Variants in EXOC6 observed in about 807,000 individuals in gnomAD.
EXOC6 encodes SEC15-like 1.
In EXOC6, 60 loss-of-function variants were observed where a neutral mutation model predicts 112.5. The ratio of observed to expected loss-of-function variants is 0.53; its 90% CI spans 0.43 to 0.66. EXOC6 has a LOEUF of 0.66. EXOC6 is among the 30% of genes least tolerant of loss of function. EXOC6 has a pLI of 0.00. For synonymous variants in EXOC6, 295 were observed against 308.0 expected, an observed-to-expected ratio of 0.96 and a Z score of 0.44; for missense variants, 855 against 957.1, an observed-to-expected ratio of 0.89 and a Z score of 1.41.
rs563564918 is a variant in EXOC6, at chr10:93,011,975, A to G, written c.2096-2219A>G. ...TTTGGTCACTAAATTTTGGTTTTCT[A>G]GAAAAAAGGGGTCTGAGAATGGTGA... On this transcript the variant is annotated intron_variant, in intron 19 of 21. Coordinates refer to ENST00000260762, the MANE Select transcript of EXOC6 (RefSeq NM_019053.6). 1.4e-3 allele frequency among the ~76,000 whole-genome samples: 216 copies of G among 152,304 alleles called. 1 individual carries two copies. Among genetic ancestry groups the G allele is most frequent in the Non-Finnish European group, 1.7e-3 (115 of 68,022 alleles).
upstream of EXOC6, among the ~76,000 whole-genome samples, chr10:92,844,990 A>T (rs2497348): frequency 0.24 from 36,221 of 152,214 alleles, 5,280 homozygotes; most frequent in Non-Finnish European, 0.32. Context: ...TGTAGATAAA[A>T]GGCGCAAAGT....
At chr10:93,050,834 T>G (rs1358123056) in intron 20 of EXOC6, among the ~76,000 whole-genome samples, 1 of 146,702 alleles carries the variant, frequency 6.8e-6, no homozygotes, top group Non-Finnish European at 1.5e-5. Flanking sequence ...ATTGCACCAC[T>G]GCACTCCAGT....
chr10:92,952,967 A>G (rs1761222793), intron 15 of EXOC6, among the ~76,000 whole-genome samples: 1 of 152,196 alleles, frequency 6.6e-6, no homozygotes, highest in Admixed American at 6.5e-5. Context: ...TAATGAACAT[A>G]TGGGTACATG....
intron 18 of EXOC6, among the ~76,000 whole-genome samples, chr10:92,975,153 G>T (rs946053904): frequency 3.3e-5 from 5 of 151,834 alleles, no homozygotes; most frequent in Non-Finnish European, 7.4e-5. Flanking sequence ...TCCCATGTAC[G>T]AAGTGAGGAG....
At chr10:92,997,053 T>G (rs1025658996) in intron 18 of EXOC6, among the ~76,000 whole-genome samples, 2 of 152,238 alleles carry the variant, frequency 1.3e-5, no homozygotes, top group Non-Finnish European at 1.5e-5. Flanking sequence ...ACTTCCTTTA[T>G]TCTGACTTGG....
At chr10:92,879,229 C>T (rs1352619571) in intron 1 of EXOC6, among the ~76,000 whole-genome samples, 1 of 152,198 alleles carries the variant, frequency 6.6e-6, no homozygotes. Context: ...CACCTGTAAT[C>T]CCAGCACTTT....
chr10:92,856,340 A>G (rs572692918), intron 1 of EXOC6, among the ~76,000 whole-genome samples: 2 of 152,224 alleles, frequency 1.3e-5, no homozygotes, highest in East Asian at 1.9e-4. Flanking sequence ...TTTTACAGCT[A>G]TAAATTTTTC....
At chr10:93,042,106 C>T (rs531103577) in intron 20 of EXOC6, among the ~76,000 whole-genome samples, 2 of 152,342 alleles carry the variant, frequency 1.3e-5, no homozygotes, top group South Asian at 2.1e-4. Flanking sequence ...CTTCTCCAGC[C>T]TGTCTTATAC....
At chr10:92,845,057 C>T (rs552269577), upstream of EXOC6, among the ~76,000 whole-genome samples, 133 of 152,312 alleles carry the variant, frequency 8.7e-4, no homozygotes, top group South Asian at 2.1e-3. Context: ...TTGCCAATTA[C>T]TTTTATACTG....
intron 11 of EXOC6, among the ~76,000 whole-genome samples, chr10:92,934,813 A>G (rs975914479): frequency 1.3e-5 from 2 of 152,088 alleles, no homozygotes; most frequent in South Asian, 2.1e-4. Flanking sequence ...AATGTTTACA[A>G]TTTACAGTAA....
rs557536070 is a variant in EXOC6, at chr10:92,854,688, A to G, written c.101+6054A>G. Among the ~76,000 whole-genome samples the G allele has an allele frequency of 3.9e-5, 6 of 152,340 alleles. No individual in the cohort carries two copies. The South Asian group carries it at 1.0e-3, about 26-fold the overall frequency. Reference sequence around the variant, plus strand: ...TCAGATGTAAACCAACTTTGTATTCATGGGATAAATCCCATTTGATCATAG... The same window carrying G: ...TCAGATGTAAACCAACTTTGTATTCGTGGGATAAATCCCATTTGATCATAG... On this transcript the variant is annotated intron_variant, in intron 1 of 21. Transcript: ENST00000260762.
rs189427415 is a variant in EXOC6 at position 92,896,672 on chromosome 10, C to T, written c.412+1652C>T. On this transcript the variant is annotated intron_variant, in intron 4 of 21. Transcript: ENST00000260762. ...GCTGAATCTTGGTTCACTGCAACCT[C>T]AGCCTCCCAAGTAGCTGGGATTACA... Among the ~76,000 whole-genome samples, 7 of 152,100 alleles carry T rather than the reference C, an allele frequency of 4.6e-5. No homozygotes were observed. In the East Asian group the frequency reaches 5.8e-4, roughly 13 times the overall value.
chr10:92,887,695 G>A (rs1849294249), intron 1 of EXOC6, among the ~76,000 whole-genome samples: 1 of 152,068 alleles, frequency 6.6e-6, no homozygotes, highest in Non-Finnish European at 1.5e-5. Context: ...GTGAGCCACC[G>A]TGCCCAGCCG....
chr10:92,921,632 C>T (rs1851451165), intron 8 of EXOC6, among the ~76,000 whole-genome samples: 1 of 150,682 alleles, frequency 6.6e-6, no homozygotes, highest in Non-Finnish European at 1.5e-5. Context: ...TTTCTTTGTG[C>T]TATTGTTTTC....
intron 7 of EXOC6, among the ~76,000 whole-genome samples, chr10:92,916,967 CTT>C (rs1299919614): frequency 8.5e-5 from 12 of 141,088 alleles, no homozygotes; most frequent in Non-Finnish European, 1.1e-4. Context: ...ATTTTTCTTT[CTT>C]TTTTTTTTTT....
At chr10:92,872,433 T>C (rs2133728994) in intron 1 of EXOC6, among the ~76,000 whole-genome samples, 1 of 152,172 alleles carries the variant, frequency 6.6e-6, no homozygotes, top group South Asian at 2.1e-4. Flanking sequence ...TTTTCATGAG[T>C]ATTCTATGTG....
At chr10:92,899,815 C>G in intron 5 of EXOC6, 171 bp downstream of exon 5, 1 of 489,492 alleles carries the variant, frequency 2.0e-6, no homozygotes, top group South Asian at 3.5e-5. Flanking sequence ...AAATCTTAGC[C>G]TTTTATTAAT....
At chr10:93,046,612 T>A (rs941784242) in intron 20 of EXOC6, among the ~76,000 whole-genome samples, 6 of 151,556 alleles carry the variant, frequency 4.0e-5, no homozygotes, top group East Asian at 1.9e-4. Flanking sequence ...TTTTTTTTTT[T>A]ATGAGACCGA....
At chr10:92,863,270 T>C (rs896061585) in intron 1 of EXOC6, among the ~76,000 whole-genome samples, 3 of 152,214 alleles carry the variant, frequency 2.0e-5, no homozygotes, top group Non-Finnish European at 4.4e-5. Context: ...CAGAAATGTT[T>C]GTGTTAGTAC....
Sources: allele counts gnomAD v4.1 joint callset (sites outside exome capture counted in the v4.1 genomes callset), GRCh38; gene constraint gnomAD v4.1.1; transcripts MANE v1.5; gene names NCBI Gene and HGNC (gene_info 2026-07-23, HGNC 2026-07-21).